The following SYNDIG1 variants were observed in gnomAD, a reference collection of about 807,000 sequenced individuals.
SYNDIG1 encodes synapse differentiation-inducing gene protein 1.
In SYNDIG1, 9 loss-of-function variants were observed where a neutral mutation model predicts 19.4. The observed-to-expected ratio is 0.46, with a 90% confidence interval of 0.28 to 0.81. The LOEUF (loss-of-function observed/expected upper bound fraction) is 0.81, where lower values mean the gene tolerates loss of function less well. SYNDIG1 is among the 30% of genes least tolerant of loss of function. SYNDIG1 has a pLI of 0.12. For synonymous variants in SYNDIG1, 141 were observed against 145.9 expected (o/e 0.97, Z 0.24); for missense variants, 311 against 343.3 (o/e 0.91, Z 0.74).
intron 1 of SYNDIG1, among the ~76,000 whole-genome samples, chr20:24,533,109 C>A (rs2057295063): frequency 6.6e-6 from 1 of 152,104 alleles, no homozygotes; most frequent in Non-Finnish European, 1.5e-5. Context: ...ACCAGAATGC[C>A]ATTGAGCACT....
intron 2 of SYNDIG1, among the ~76,000 whole-genome samples, chr20:24,579,808 G>C (rs186737033): frequency 6.6e-6 from 1 of 152,356 alleles, no homozygotes; most frequent in East Asian, 1.9e-4. Flanking sequence ...GCCATGGGTG[G>C]TGTTCAGCTT....
chr20:24,579,960 A>G (rs2058294944), intron 2 of SYNDIG1, among the ~76,000 whole-genome samples: 1 of 152,172 alleles, frequency 6.6e-6, no homozygotes, highest in Admixed American at 6.5e-5. Flanking sequence ...ACCCCGAGGG[A>G]ACTGAGAGCC....
intron 3 of SYNDIG1, among the ~76,000 whole-genome samples, chr20:24,661,360 GGGAAAACC>G (rs2059585706): frequency 2.1e-5 from 2 of 95,612 alleles, no homozygotes; most frequent in Admixed American, 1.2e-4. Flanking sequence ...AGAGGAGGGA[GGGAAAACC>G]GAGGGAAGAG....
intron 3 of SYNDIG1, among the ~76,000 whole-genome samples, chr20:24,651,993 G>A (rs2059478559): frequency 1.3e-5 from 2 of 152,228 alleles, no homozygotes; most frequent in South Asian, 4.1e-4. Context: ...GCCATATGGA[G>A]TAGAAAAGTC....
chr20:24,567,193 A>G (rs1357974668), intron 2 of SYNDIG1, among the ~76,000 whole-genome samples: 3 of 152,142 alleles, frequency 2.0e-5, no homozygotes, highest in African/African-American at 7.2e-5. Context: ...AAAGGAGGAA[A>G]CAGGGACTCT....
At chr20:24,512,509 G>A (rs903621089) in intron 1 of SYNDIG1, among the ~76,000 whole-genome samples, 4 of 152,090 alleles carry the variant, frequency 2.6e-5, no homozygotes, top group Middle Eastern at 3.4e-3. Flanking sequence ...GCCTGGCTCC[G>A]AGGGTCCCAC....
chr20:24,659,228 T>G (rs1012180995), intron 3 of SYNDIG1, among the ~76,000 whole-genome samples: 2 of 152,222 alleles, frequency 1.3e-5, no homozygotes, highest in African/African-American at 4.8e-5. Context: ...TTCGCCTGAT[T>G]TCTATCTTCC....
intron 2 of SYNDIG1, among the ~76,000 whole-genome samples, chr20:24,581,837 C>G (rs1339986768): frequency 6.6e-6 from 1 of 150,518 alleles, no homozygotes; most frequent in Non-Finnish European, 1.5e-5. Context: ...ACGTCCTCAC[C>G]CCTGCACATC....
At chr20:24,638,565 G>A (rs922055964) in intron 3 of SYNDIG1, among the ~76,000 whole-genome samples, 2 of 151,950 alleles carry the variant, frequency 1.3e-5, no homozygotes, top group Admixed American at 6.6e-5. Context: ...GTTTCACAAC[G>A]TTGCCTAGGC....
At chr20:24,627,144 GGAGAGGGAGAGCGAGAGCGAGAGC>G (rs1419035872) in intron 3 of SYNDIG1, among the ~76,000 whole-genome samples, 1 of 103,350 alleles carries the variant, frequency 9.7e-6, no homozygotes, top group African/African-American at 2.9e-5. Flanking sequence ...AGAGGGAGAG[GGAGAGGGAGAGCGAGAGCGAGAGC>G]GAGAGCGAGA....
intron 2 of SYNDIG1, among the ~76,000 whole-genome samples, chr20:24,581,266 G>A (rs909903166): frequency 1.3e-5 from 2 of 151,418 alleles, no homozygotes; most frequent in East Asian, 4.0e-4. Flanking sequence ...TTTGTCCTTT[G>A]TAAAACATAA....
At chr20:24,587,232 C>T (rs116088932) in intron 3 of SYNDIG1, among the ~76,000 whole-genome samples, 305 of 152,332 alleles carry the variant, frequency 2.0e-3, no homozygotes, top group African/African-American at 7.2e-3. Flanking sequence ...GGGCCGCTGG[C>T]TGCAGCCTCC....
Position 24,493,431 on chromosome 20 carries a change from G to C in SYNDIG1, c.-79+23678G>C, listed in dbSNP as rs6138307. The stretch of plus-strand genomic sequence containing the variant: ...ACACATGCTTGGCACACACAGGTAC[G>C]CACACATACATGGGCATACACAGGT... On this transcript the variant is annotated intron_variant, in intron 1 of 3. Transcript: ENST00000376862. 2.7e-3 allele frequency among the ~76,000 whole-genome samples: 409 copies of C among 152,178 alleles called. 3 individuals are homozygous for C. The highest frequency in any genetic ancestry group is 9.4e-3 in the African/African-American group (391 of 41,506).
chr20:24,492,729 C>T (rs1307503864), intron 1 of SYNDIG1, among the ~76,000 whole-genome samples: 1 of 152,236 alleles, frequency 6.6e-6, no homozygotes, highest in East Asian at 1.9e-4. Flanking sequence ...AGGGGCCCAG[C>T]ACCCAGCTTA....
intron 3 of SYNDIG1, among the ~76,000 whole-genome samples, chr20:24,626,807 A>C (rs1291025545): frequency 2.0e-5 from 3 of 152,088 alleles, no homozygotes; most frequent in African/African-American, 7.2e-5. Context: ...AGTTAACGAG[A>C]CTCCGTCTGC....
intron 1 of SYNDIG1, among the ~76,000 whole-genome samples, chr20:24,516,745 T>C (rs892887464): frequency 2.6e-5 from 4 of 152,234 alleles, no homozygotes; most frequent in African/African-American, 4.8e-5. Context: ...TCAACCATTG[T>C]AGAAGACAGT....
At chr20:24,570,834 A>G (rs1258125192) in intron 2 of SYNDIG1, among the ~76,000 whole-genome samples, 1 of 152,216 alleles carries the variant, frequency 6.6e-6, no homozygotes, top group East Asian at 1.9e-4. Context: ...CCATACATAT[A>G]TGTCTATAAC....
chr20:24,586,282 C>A (rs935156037), intron 3 of SYNDIG1, among the ~76,000 whole-genome samples: 5 of 152,266 alleles, frequency 3.3e-5, no homozygotes, highest in East Asian at 1.9e-4. Context: ...TTTTTCCAGA[C>A]CCAGCTTTGA....
At chr20:24,496,002 G>A (rs1454367035) in intron 1 of SYNDIG1, among the ~76,000 whole-genome samples, 2 of 151,986 alleles carry the variant, frequency 1.3e-5, no homozygotes, top group Non-Finnish European at 2.9e-5. Context: ...CTGCCACCAC[G>A]CCTGGCTAAT....
Sources: gnomAD v4.1 joint callset for allele counts (sites outside exome capture counted in the v4.1 genomes callset) on GRCh38, gnomAD v4.1.1 for gene constraint, MANE v1.5 for transcripts, NCBI Gene and HGNC (gene_info 2026-07-23, HGNC 2026-07-21) for gene names.